Variants in B3GNT2 observed in about 807,000 individuals in gnomAD.
The protein encoded by B3GNT2 is UDP-GlcNAc:betaGal beta-1,3-N-acetylglucosaminyltransferase 2, also known as N-acetyllactosaminide beta-1,3-N-acetylglucosaminyltransferase 2.
Under a neutral mutation model 27.6 loss-of-function variants are expected in B3GNT2, and 12 were observed. The observed-to-expected ratio is 0.44, with a 90% CI of 0.28 to 0.71. The LOEUF (loss-of-function observed/expected upper bound fraction) is 0.71. B3GNT2 is among the 30% of genes least tolerant of loss of function. The probability of loss-of-function intolerance (pLI) is 0.17; values close to 1 mark genes in which losing one functional copy is unlikely to be tolerated. For synonymous variants in B3GNT2, 192 were observed against 189.7 expected, an observed-to-expected ratio of 1.01 and a Z score of -0.10; for missense variants, 413 against 488.5, an observed-to-expected ratio of 0.85 and a Z score of 1.46.
At chr2:62,208,108 A>G (rs1674411356) in intron 1 of B3GNT2, among the ~76,000 whole-genome samples, 1 of 152,118 alleles carries the variant, frequency 6.6e-6, no homozygotes, top group Non-Finnish European at 1.5e-5. Context: ...ATGTAAAATG[A>G]CAGTAATCAC....
chr2:62,217,265 T>C (rs1674593774), intron 1 of B3GNT2, among the ~76,000 whole-genome samples: 1 of 152,184 alleles, frequency 6.6e-6, no homozygotes, highest in South Asian at 2.1e-4. Flanking sequence ...CGTGATTGTG[T>C]GATGGTTGAA....
At chr2:62,221,058 C>A (rs1175001979) in intron 1 of B3GNT2, among the ~76,000 whole-genome samples, 1 of 152,202 alleles carries the variant, frequency 6.6e-6, no homozygotes. Flanking sequence ...GGATCAAGAC[C>A]TACATGGTAC....
rs1227865092 is a variant in B3GNT2, at chr2:62,222,644, C to T, written c.424C>T (p.Pro142Ser). ...IDQPDKCAKK[P>S]FLLLAIKSLT... ...TCAGCCGGATAAGTGTGCAAAGAAACCTTTCTTGTTGCTGGCGATTAAGTC... is the reference window on the plus strand; with the variant it reads ...TCAGCCGGATAAGTGTGCAAAGAAATCTTTCTTGTTGCTGGCGATTAAGTC... Residue 142 changes from proline to serine, a missense_variant, in exon 2 of 2, where the codon CCT becomes TCT. Pro to Ser is a moderately conservative substitution (Grantham distance 74). Coordinates refer to ENST00000301998, the MANE Select transcript of B3GNT2 (RefSeq NM_006577.6). The surrounding 1 kb of genome is among the most constrained non-coding windows in gnomAD (Gnocchi z 4.2). The T allele has an allele frequency of 2.5e-6, 4 of 1,614,210 alleles. No individual in the cohort carries two copies. In the Admixed American group the frequency reaches 5.0e-5, roughly 20 times the overall value.
At chr2:62,204,682 AC>A (rs1674334575) in intron 1 of B3GNT2, among the ~76,000 whole-genome samples, 1 of 152,154 alleles carries the variant, frequency 6.6e-6, no homozygotes, top group Non-Finnish European at 1.5e-5. Flanking sequence ...CTTTTCCTTT[AC>A]CACATAAGGA....
At position 62,223,323 on chromosome 2, in the gene B3GNT2, C is replaced by G. The variant is rs753943693; in HGVS notation, c.1103C>G (p.Ser368Cys). The G allele has an allele frequency of 3.7e-6, 6 of 1,614,132 alleles. No individual in the cohort carries two copies. The Admixed American group carries it at 1.0e-4, about 27-fold the overall frequency. ...IEEKNKNNIC[S>C]YVDLMLVHSR... ...GAGAAAAACAAAAATAACATCTGCT[C>G]CTATGTAGATCTGATGTTAGTACAT... The change falls in exon 2 of 2, where the codon TCC becomes TGC. Residue 368 changes from serine to cysteine, a missense_variant. By Grantham distance (112) the Ser-to-Cys change is moderately radical. Transcript: ENST00000301998.
chr2:62,221,317 G>A (rs191378193), intron 1 of B3GNT2, among the ~76,000 whole-genome samples: 2 of 152,266 alleles, frequency 1.3e-5, no homozygotes, highest in Admixed American at 1.3e-4. Context: ...GTTGATATTG[G>A]GCTGTTGCCA....
rs1414593921 is a variant in B3GNT2, at chr2:62,224,606, TATTA to T, written c.*1193_*1196del. On this transcript the variant is annotated 3_prime_UTR_variant, in exon 2 of 2. Coordinates refer to ENST00000301998, the MANE Select transcript of B3GNT2 (RefSeq NM_006577.6). ...ACTAGAGTTTAAAATTCTGCCAAAC[TATTA>T]CTTATATGTACTATTGTGTAACATA... 3 of 167,114 alleles carry T rather than the reference TATTA, an allele frequency of 1.8e-5. No homozygotes were observed. The highest frequency in any genetic ancestry group is 7.2e-5 in the African/African-American group (3 of 41,458). 10.4% of individuals were successfully genotyped at this position (167,114 alleles called of 1,614,324 possible).
intron 1 of B3GNT2, among the ~76,000 whole-genome samples, chr2:62,219,222 G>A (rs1178259050): frequency 6.6e-6 from 1 of 152,078 alleles, no homozygotes; most frequent in African/African-American, 2.4e-5. Context: ...TCCCTAAGCT[G>A]TCCTCTTTTA....
At chr2:62,211,357 C>G (rs550471533) in intron 1 of B3GNT2, among the ~76,000 whole-genome samples, 2 of 151,996 alleles carry the variant, frequency 1.3e-5, no homozygotes, top group South Asian at 2.1e-4. Flanking sequence ...CCCTGTCCCC[C>G]CCGTCCCCCC....
At position 62,223,001 on chromosome 2, in the gene B3GNT2, A is replaced by G; in HGVS notation, c.781A>G (p.Ser261Gly). Residue 261 changes from serine to glycine, a missense_variant, in exon 2 of 2, where the codon AGT becomes GGT. Ser to Gly is a moderately conservative substitution (Grantham distance 56). Coordinates refer to ENST00000301998, the MANE Select transcript of B3GNT2 (RefSeq NM_006577.6). ...CCATCACATCCTGAATTACTTGAAT[A>G]GTTTATCCAAGACCAAAGCCAAAGA... Reference protein sequence around the residue: ...NTHHILNYLNSLSKTKAKDLF... With the variant: ...NTHHILNYLNGLSKTKAKDLF... The G allele has an allele frequency of 6.2e-7, 1 of 1,614,230 alleles. No individual in the cohort carries two copies. Among genetic ancestry groups the G allele is most frequent in the Non-Finnish European group, 8.5e-7 (1 of 1,180,038 alleles).
At chr2:62,212,392 C>T (rs1674497882) in intron 1 of B3GNT2, among the ~76,000 whole-genome samples, 1 of 152,098 alleles carries the variant, frequency 6.6e-6, no homozygotes, top group Non-Finnish European at 1.5e-5. Context: ...CCCCAAGCCC[C>T]CCTGGTGCTG....
At chr2:62,199,181 C>G (rs1191260572) in intron 1 of B3GNT2, among the ~76,000 whole-genome samples, 1 of 152,184 alleles carries the variant, frequency 6.6e-6, no homozygotes, top group Admixed American at 6.5e-5. Flanking sequence ...CCTGGTGATC[C>G]ACCCGCCTAG....
chr2:62,208,374 G>A (rs1674419092), intron 1 of B3GNT2, among the ~76,000 whole-genome samples: 2 of 152,136 alleles, frequency 1.3e-5, no homozygotes. Context: ...ATTTATGCTT[G>A]TGCGTTTCTA....
intron 1 of B3GNT2, among the ~76,000 whole-genome samples, chr2:62,199,687 T>A (rs1674223386): frequency 6.6e-6 from 1 of 152,240 alleles, no homozygotes; most frequent in African/African-American, 2.4e-5. Context: ...AACTAGACTC[T>A]GAAGTGGTAA....
chr2:62,214,610 A>G (rs755590049), intron 1 of B3GNT2, among the ~76,000 whole-genome samples: 2 of 152,212 alleles, frequency 1.3e-5, no homozygotes, highest in Admixed American at 1.3e-4. Context: ...GAAGACTACT[A>G]AAGAGGCAGT....
intron 1 of B3GNT2, among the ~76,000 whole-genome samples, chr2:62,200,604 T>G (rs1231927956): frequency 6.6e-6 from 1 of 152,212 alleles, no homozygotes; most frequent in Non-Finnish European, 1.5e-5. Context: ...GTGTGAGAAG[T>G]GTTAATATTA....
In B3GNT2 at chr2:62,222,095, T is replaced by A. The variant is rs1351909868; in HGVS notation, c.-9-117T>A. On this transcript the variant is annotated intron_variant, in intron 1 of 1. Coordinates refer to ENST00000301998, the MANE Select transcript of B3GNT2 (RefSeq NM_006577.6). The surrounding 1 kb of genome is among the most constrained non-coding windows in gnomAD (Gnocchi z 4.2). ...AGGGCCAAGATTTGAACCTAGGCAG[T>A]GCAAGTGTAGAGTCTTTGCTGTAAA... is the stretch of plus-strand genomic sequence containing the variant. 3 of 913,204 alleles carry A rather than the reference T, an allele frequency of 3.3e-6. No homozygotes were observed. Among genetic ancestry groups the A allele is most frequent in the Non-Finnish European group, 4.9e-6 (3 of 612,370 alleles). The allele number at this position is 913,204 out of a possible 1,614,324, so 56.6% of individuals were successfully genotyped here. A position where few individuals can be genotyped will look rare whatever the true frequency, so the allele number is the denominator to read the frequency against.
chr2:62,222,465 G>C lies in B3GNT2; in HGVS notation c.245G>C (p.Gly82Ala). The C allele has an allele frequency of 2.5e-6, 4 of 1,614,116 alleles. No individual in the cohort carries two copies. Among genetic ancestry groups the C allele is most frequent in the Non-Finnish European group, 2.5e-6 (3 of 1,180,032 alleles). ...PILSMLTNQT[G>A]EAGRLSNISH... ...CTGAGCATGCTGACCAACCAGACGG[G>C]GGAGGCGGGCAGGCTCTCCAATATA... The change falls in exon 2 of 2, where the codon GGG becomes GCG. Residue 82 changes from glycine (G) to alanine (A), a missense_variant. Gly to Ala is a moderately conservative substitution (Grantham distance 60). Coordinates refer to ENST00000301998, the MANE Select transcript of B3GNT2 (RefSeq NM_006577.6). This position sits in a 1 kb window ranked among gnomAD's most constrained non-coding sequence, Gnocchi z 4.2.
At chr2:62,198,455 C>T (rs931916407) in intron 1 of B3GNT2, among the ~76,000 whole-genome samples, 1 of 152,190 alleles carries the variant, frequency 6.6e-6, no homozygotes, top group African/African-American at 2.4e-5. Context: ...CTCCTGGCAT[C>T]GACTTCCCCT....
Sources: allele counts gnomAD v4.1 joint callset (sites outside exome capture counted in the v4.1 genomes callset), GRCh38; gene constraint gnomAD v4.1.1; non-coding constraint Gnocchi (gnomAD v3.1); transcripts MANE v1.5; gene names NCBI Gene and HGNC (gene_info 2026-07-23, HGNC 2026-07-21).